The following BCL3 variants were observed in gnomAD, a reference collection of about 807,000 sequenced individuals.
BCL3 encodes BCL3 transcription coactivator, also known as B-cell lymphoma 3 protein.
BCL3 carries 15 observed loss-of-function variants against 35.7 expected under a neutral mutation model. The ratio of observed to expected loss-of-function variants is 0.42; its 90% CI spans 0.28 to 0.65. The LOEUF is 0.65. Ranked by LOEUF, BCL3 falls within the 30% of genes least tolerant of loss-of-function variation. The pLI, the probability that BCL3 is intolerant of heterozygous loss-of-function variation, is 0.22. For missense variants in BCL3, 565 were observed against 641.7 expected, an observed-to-expected ratio of 0.88 and a Z score of 1.29; for synonymous variants, 311 against 284.3, an observed-to-expected ratio of 1.09 and a Z score of -0.95.
chr19:44,759,661 T>G lies in BCL3; in HGVS notation c.*46T>G. On this transcript the variant is annotated 3_prime_UTR_variant, in exon 9 of 9. Transcript: ENST00000164227. The stretch of plus-strand genomic sequence containing the variant: ...TTGGACTCATGAGGAGGGGCCCCCC[T>G]GCCCTGTGGGGTCAACCCTTCTGGA... 2.1e-6 allele frequency: 3 copies of G among 1,433,876 alleles called. No homozygotes were observed. The highest frequency in any genetic ancestry group is 1.9e-6 in the Non-Finnish European group (2 of 1,068,280). The allele number at this position is 1,433,876 out of a possible 1,614,324, so 88.8% of individuals were successfully genotyped here.
chr19:44,749,655 C>T (rs1967139692), intron 1 of BCL3, among the ~76,000 whole-genome samples: 1 of 152,042 alleles, frequency 6.6e-6, no homozygotes, highest in African/African-American at 2.4e-5. Context: ...GCTCCAGGGA[C>T]CCAGATACCA....
chr19:44,757,636 C>A lies in BCL3; in HGVS notation c.814-10C>A. On this transcript the variant is annotated splice_polypyrimidine_tract_variant and intron_variant, in intron 5 of 8. Coordinates refer to ENST00000164227, the MANE Select transcript of BCL3 (RefSeq NM_005178.5). This position sits in a 1 kb window ranked among gnomAD's most constrained non-coding sequence, Gnocchi z 8.4. ...CTTGGAGAAACTAAGACCTTCCCTC[C>A]CCGCCGCAGGACATTAAGAGCGGCC... 2 of 1,613,546 alleles carry A rather than the reference C, an allele frequency of 1.2e-6. No individual in the cohort carries two copies. Among genetic ancestry groups the A allele is most frequent in the Non-Finnish European group, 1.7e-6 (2 of 1,179,756 alleles).
rs1218541227 is a variant in BCL3, at chr19:44,758,850, C to A, written c.1177+9C>A. On this transcript the variant is annotated intron_variant, in intron 8 of 8. Coordinates refer to ENST00000164227, the MANE Select transcript of BCL3 (RefSeq NM_005178.5). The stretch of plus-strand genomic sequence containing the variant: ...CCGCCTCAGCTCCAATGGTGAGAAA[C>A]CGTTCCCAACCTCCAGCCCTGGCGC... 19 of 1,575,930 alleles carry A rather than the reference C, an allele frequency of 1.2e-5. No individual in the cohort carries two copies. The highest frequency in any genetic ancestry group is 1.5e-5 in the Non-Finnish European group (18 of 1,162,606).
At chr19:44,750,514 G>C (rs1390080354) in intron 1 of BCL3, among the ~76,000 whole-genome samples, 1 of 152,086 alleles carries the variant, frequency 6.6e-6, no homozygotes, top group Non-Finnish European at 1.5e-5. Flanking sequence ...GCCCAGACTG[G>C]TATTGAACTC....
intron 2 of BCL3, among the ~76,000 whole-genome samples, chr19:44,754,067 CTG>C (rs1219003417): frequency 6.6e-6 from 1 of 152,182 alleles, no homozygotes. Context: ...GCCTGAAAGT[CTG>C]TGTTCCCAAA....
intron 2 of BCL3, among the ~76,000 whole-genome samples, chr19:44,755,898 G>A (rs982133839): frequency 6.6e-6 from 1 of 152,144 alleles, no homozygotes; most frequent in African/African-American, 2.4e-5. Flanking sequence ...CAGCCTGGGC[G>A]ATAGAACAAC....
chr19:44,758,199 C>T, intron 6 of BCL3, 47 bp from the exon 7 acceptor site: 2 of 1,428,502 alleles, frequency 1.4e-6, no homozygotes, highest in South Asian at 3.0e-5. Context: ...GTTCCCTTAC[C>T]CCGGGTGGCC....
chr19:44,753,534 C>G (rs922554941), intron 2 of BCL3, among the ~76,000 whole-genome samples: 7 of 152,240 alleles, frequency 4.6e-5, no homozygotes, highest in African/African-American at 1.4e-4. Flanking sequence ...GCAGCCTCCC[C>G]CCTCCTGGCG....
chr19:44,753,644 G>T (rs896092676), intron 2 of BCL3, among the ~76,000 whole-genome samples: 3 of 152,144 alleles, frequency 2.0e-5, no homozygotes. Context: ...TCACACCCGC[G>T]GGGGAGGGCA....
intron 2 of BCL3, 75 bp from the exon 3 acceptor site, chr19:44,756,157 A>C: frequency 9.8e-7 from 1 of 1,024,488 alleles, no homozygotes; most frequent in Non-Finnish European, 1.3e-6. Context: ...CATTGGAGTT[A>C]GCATTGCCAA....
upstream of BCL3, chr19:44,748,533 A>AGCGGGGCGCGGCGCGG (rs2122269499): frequency 8.9e-6 from 2 of 225,952 alleles, no homozygotes; most frequent in East Asian, 1.8e-4. Context: ...GGAGGGGGCA[A>AGCGGGGCGCGGCGCGG]GCGGGGCGCG....
At chr19:44,758,487 A>G in intron 7 of BCL3, 74 bp downstream of exon 7, 17 of 1,490,298 alleles carry the variant, frequency 1.1e-5, no homozygotes, top group Non-Finnish European at 1.5e-5. Flanking sequence ...AGTGTGCCAG[A>G]GCGCAGAGGA....
At position 44,758,772 on chromosome 19, in the gene BCL3, C is replaced by A; in HGVS notation, c.1108C>A (p.Gln370Lys). ...GGCCACCCGGCCTGCTTCCACCTCC[C>A]AGCCAGACCCCTCCCCTGACCGGAG... is the stretch of plus-strand genomic sequence containing the variant. Reference protein sequence around the residue: ...GKATRPASTSQPDPSPDRSAN... With the variant: ...GKATRPASTSKPDPSPDRSAN... Residue 370 changes from glutamine (Q) to lysine (K), a missense_variant, in exon 8 of 9, where the codon CAG becomes AAG. Physicochemically the swap from Gln to Lys is moderately conservative, Grantham distance 53. This residue lies in a region of BCL3 where 151 missense variants were observed against 138.1 expected (regional missense o/e 1.09). Coordinates refer to ENST00000164227, the MANE Select transcript of BCL3 (RefSeq NM_005178.5). 3 of 1,608,576 alleles carry A rather than the reference C, an allele frequency of 1.9e-6. No homozygotes were observed. The highest frequency in any genetic ancestry group is 2.5e-6 in the Non-Finnish European group (3 of 1,178,238).
In BCL3 at chr19:44,757,122, G is replaced by A. The variant is rs775921841; in HGVS notation, c.625G>A (p.Ala209Thr). The change falls in exon 4 of 9, where the codon GCT becomes ACT. Residue 209 changes from alanine (A) to threonine (T), a missense_variant. Ala to Thr is a moderately conservative substitution (Grantham distance 58). Transcript: ENST00000164227. This position sits in a 1 kb window ranked among gnomAD's most constrained non-coding sequence, Gnocchi z 8.4. ...MALDRHGQTA[A>T]HLACEHRSPT... ...GCTGGACCGCCATGGCCAGACGGCCGCTCACCTGGCGTGCGAGCACCGCAG... is the reference window on the plus strand; with the variant it reads ...GCTGGACCGCCATGGCCAGACGGCCACTCACCTGGCGTGCGAGCACCGCAG... 7.7e-5 allele frequency: 124 copies of A among 1,602,028 alleles called. No individual in the cohort carries two copies. Among genetic ancestry groups the A allele is most frequent in the African/African-American group, 8.1e-5 (6 of 74,498 alleles).
Position 44,751,250 on chromosome 19 carries a change from A to C in BCL3, c.280A>C (p.Thr94Pro). Residue 94 changes from threonine (T) to proline (P), a missense_variant, in exon 2 of 9, where the codon ACT becomes CCT. Thr to Pro is a conservative substitution (Grantham distance 38, BLOSUM62 -1). Coordinates refer to ENST00000164227, the MANE Select transcript of BCL3 (RefSeq NM_005178.5). ...AGGAGCCTTACTGCCTTTGTACCCC[A>C]CTCGGGCCATGGGCTCCCCGTTTCC... ...YPGALLPLYPTRAMGSPFPLV... is the reference protein window; with the variant it reads ...YPGALLPLYPPRAMGSPFPLV... 1 of 1,610,254 alleles carries C rather than the reference A, an allele frequency of 6.2e-7. No homozygotes were observed. Among genetic ancestry groups the C allele is most frequent in the African/African-American group, 1.3e-5 (1 of 74,580 alleles).
At chr19:44,756,198 A>C (rs768512577) in intron 2 of BCL3, 34 bp from the exon 3 acceptor site, 2 of 1,379,156 alleles carry the variant, frequency 1.5e-6, no homozygotes, top group African/African-American at 1.5e-5. Flanking sequence ...AACAACCCCT[A>C]ATGCCTGTGA....
At chr19:44,756,552 CCTGGGCTCCTGAGTCTGAGGGAGG>C (rs1967288994) in intron 3 of BCL3, among the ~76,000 whole-genome samples, 1 of 111,716 alleles carries the variant, frequency 9.0e-6, no homozygotes, top group African/African-American at 5.6e-5. Context: ...AGGGCTGGGT[CCTGGGCTCCTGAGTCTGAGGGAGG>C]AGGGCTGGGG....
Position 44,748,771 on chromosome 19 carries a change from C to T in BCL3, c.-20C>T. Reference sequence around the variant, plus strand: ...GCAGCCGAGCCCAGCCGCTCTCCGGCCGCCGTCCCCGGCGGCCCCATGCCC... The same window carrying T: ...GCAGCCGAGCCCAGCCGCTCTCCGGTCGCCGTCCCCGGCGGCCCCATGCCC... On this transcript the variant is annotated 5_prime_UTR_variant, in exon 1 of 9. Transcript: ENST00000164227. 1 of 1,100,556 alleles carries T rather than the reference C, an allele frequency of 9.1e-7. No homozygotes were observed. The highest frequency in any genetic ancestry group is 1.1e-6 in the Non-Finnish European group (1 of 904,168). 68.2% of individuals were successfully genotyped at this position (1,100,556 alleles called of 1,614,324 possible). A position where few individuals can be genotyped will look rare whatever the true frequency, so the allele number is the denominator to read the frequency against.
At chr19:44,758,573 G>A in intron 7 of BCL3, 151 bp from the exon 8 acceptor site, 2 of 1,265,978 alleles carry the variant, frequency 1.6e-6, no homozygotes, top group Non-Finnish European at 2.2e-6. Context: ...CCAGAAATGA[G>A]GAGAGACTGG....
Sources: gnomAD v4.1 joint callset for allele counts (sites outside exome capture counted in the v4.1 genomes callset) on GRCh38, gnomAD v4.1.1 for gene constraint, gnomAD v4.1.1 regional missense constraint, Gnocchi (gnomAD v3.1) non-coding constraint, MANE v1.5 for transcripts, NCBI Gene and HGNC (gene_info 2026-07-23, HGNC 2026-07-21) for gene names.